The following PCDHA11 variants were observed in gnomAD, a reference collection of about 807,000 sequenced individuals.
PCDHA11 encodes protocadherin alpha-11.
In PCDHA11, 61 loss-of-function variants were observed where a neutral mutation model predicts 70.3. The ratio of observed to expected loss-of-function variants is 0.87; its 90% CI spans 0.71 to 1.07. PCDHA11 has a LOEUF of 1.07. Ranked by LOEUF, PCDHA11 falls within the 50% of genes least tolerant of loss-of-function variation. The pLI, the probability that PCDHA11 is intolerant of heterozygous loss-of-function variation, is 0.00. For synonymous variants in PCDHA11, 633 were observed against 555.1 expected (o/e 1.14, Z -1.97); for missense variants, 1,324 against 1,237.5 (o/e 1.07, Z -1.05).
chr5:140,959,116 G>A (rs2095468018), intron 1 of PCDHA11, among the ~76,000 whole-genome samples: 1 of 152,002 alleles, frequency 6.6e-6, no homozygotes, highest in South Asian at 2.1e-4. Context: ...TCCGAAGGTG[G>A]GCGAGGTGAG....
intron 1 of PCDHA11, chr5:140,884,714 C>A: frequency 1.4e-6 from 2 of 1,471,312 alleles, no homozygotes; most frequent in Non-Finnish European, 9.0e-7. Context: ...GCCTTCCTTG[C>A]AGTTGTTTGT....
intron 1 of PCDHA11, among the ~76,000 whole-genome samples, chr5:140,905,695 C>T (rs1350689939): frequency 6.6e-6 from 1 of 152,134 alleles, no homozygotes; most frequent in African/African-American, 2.4e-5. Context: ...TTGTTTGTGT[C>T]ATTTATGATT....
intron 1 of PCDHA11, among the ~76,000 whole-genome samples, chr5:140,944,059 T>C (rs190208662): frequency 6.6e-6 from 1 of 152,296 alleles, no homozygotes; most frequent in East Asian, 1.9e-4. Flanking sequence ...TACAAAAAGG[T>C]TTCTTGTTAA....
At chr5:140,888,645 C>A (rs1275572541) in intron 1 of PCDHA11, among the ~76,000 whole-genome samples, 2 of 152,200 alleles carry the variant, frequency 1.3e-5, no homozygotes, top group African/African-American at 4.8e-5. Context: ...GCAATACTTT[C>A]CTGAGGACAC....
At chr5:140,959,754 T>C (rs1265254392) in intron 1 of PCDHA11, among the ~76,000 whole-genome samples, 1 of 152,222 alleles carries the variant, frequency 6.6e-6, no homozygotes, top group East Asian at 1.9e-4. Flanking sequence ...TAAAGTATAT[T>C]TTAATATTCA....
chr5:140,944,608 G>A (rs2093673405), intron 1 of PCDHA11, among the ~76,000 whole-genome samples: 1 of 152,176 alleles, frequency 6.6e-6, no homozygotes, highest in Non-Finnish European at 1.5e-5. Flanking sequence ...AGAGTAGTGT[G>A]CTGTAGAAGT....
At chr5:140,882,365 T>C (rs141224516) in intron 1 of PCDHA11, 1 of 1,614,208 alleles carries the variant, frequency 6.2e-7, no homozygotes, top group Non-Finnish European at 8.5e-7. Context: ...CCAGCTCCAC[T>C]ACTCCGTCCC....
At chr5:140,898,233 C>T (rs2066607638) in intron 1 of PCDHA11, among the ~76,000 whole-genome samples, 1 of 152,126 alleles carries the variant, frequency 6.6e-6, no homozygotes, top group African/African-American at 2.4e-5. Flanking sequence ...GTTGCCATTG[C>T]TTTTGGTGTT....
At chr5:140,971,586 C>G (rs1290834481) in intron 1 of PCDHA11, among the ~76,000 whole-genome samples, 1 of 152,022 alleles carries the variant, frequency 6.6e-6, no homozygotes, top group Non-Finnish European at 1.5e-5. Context: ...TTTTTCCTAC[C>G]TAGTTACTAC....
chr5:140,917,106 TC>T (rs1554197830), intron 1 of PCDHA11, among the ~76,000 whole-genome samples: 1 of 152,094 alleles, frequency 6.6e-6, no homozygotes, highest in African/African-American at 2.4e-5. Context: ...GTGCTTTACT[TC>T]CTCCAAGTGC....
At chr5:140,955,477 C>T (rs1401684156) in intron 1 of PCDHA11, among the ~76,000 whole-genome samples, 2 of 152,128 alleles carry the variant, frequency 1.3e-5, no homozygotes, top group African/African-American at 4.8e-5. Context: ...CTTGGCACCT[C>T]TCCTTCCTGC....
rs782133089 is a variant in PCDHA11, at chr5:140,924,894, C to CA, written c.2391+53411dup. Among the ~76,000 whole-genome samples, 369 of 71,492 alleles carry CA rather than the reference C, an allele frequency of 5.2e-3. 5 individuals carry two copies. The South Asian group carries it at 0.07, about 14-fold the overall frequency. 46.9% of individuals were successfully genotyped at this position (71,492 alleles called of 152,430 possible). ...TGGGTGACAGAGCAAGAACCTGTCT[C>CA]AAAAAAAAAAATAAAATAAAATAAA... is the stretch of plus-strand genomic sequence containing the variant. On this transcript the variant is annotated intron_variant, in intron 1 of 3. Coordinates refer to ENST00000398640, the MANE Select transcript of PCDHA11 (RefSeq NM_018902.5).
At chr5:140,979,169 A>T (rs2096837685) in intron 2 of PCDHA11, 162 bp downstream of exon 2, 1 of 966,312 alleles carries the variant, frequency 1.0e-6, no homozygotes, top group Admixed American at 6.2e-5. Context: ...TCCTTGAAAG[A>T]TCGCAAATGG....
rs1053041034 is a variant in PCDHA11 at position 141,011,123 on chromosome 5, T to G, written c.*1186T>G. ...CTCTCTCTTTTCTAAGAAACAATTA[T>G]GTGCACTTTGATACACAACCTTCTC... is the stretch of plus-strand genomic sequence containing the variant. On this transcript the variant is annotated 3_prime_UTR_variant, in exon 4 of 4. Coordinates refer to ENST00000398640, the MANE Select transcript of PCDHA11 (RefSeq NM_018902.5). 3 of 153,884 alleles carry G rather than the reference T, an allele frequency of 1.9e-5. No homozygotes were observed. The Admixed American group carries it at 2.0e-4, about 10-fold the overall frequency. The allele number at this position is 153,884 out of a possible 1,614,324, so 9.5% of individuals were successfully genotyped here.
At chr5:140,954,305 T>C (rs2153702260) in intron 1 of PCDHA11, among the ~76,000 whole-genome samples, 1 of 152,342 alleles carries the variant, frequency 6.6e-6, no homozygotes, top group South Asian at 2.1e-4. Context: ...TACCCAGTAA[T>C]GGGATTGCTG....
At position 140,869,033 on chromosome 5, in the gene PCDHA11, T is replaced by C. The variant is rs1161601594; in HGVS notation, c.-71T>C. 6.5e-7 allele frequency: 1 copy of C among 1,527,194 alleles called. No homozygotes were observed. The highest frequency in any genetic ancestry group is 2.3e-5 in the East Asian group (1 of 44,278). The allele number at this position is 1,527,194 out of a possible 1,614,324, so 94.6% of individuals were successfully genotyped here. A position where few individuals can be genotyped will look rare whatever the true frequency, so the allele number is the denominator to read the frequency against. On this transcript the variant is annotated 5_prime_UTR_variant, in exon 1 of 4. Transcript: ENST00000398640. ...ACTTCTTAAGAATTCAACGAGATTT[T>C]TAACCTGAAACTGAAGAATCTGGTA...
intron 3 of PCDHA11, among the ~76,000 whole-genome samples, chr5:141,007,395 C>CAAAAAAAA (rs35800918): frequency 4.0e-3 from 379 of 94,450 alleles, no homozygotes; most frequent in Non-Finnish European, 5.7e-3. Context: ...TACTAAAATA[C>CAAAAAAAA]AAAAAAAAAA....
rs2098414886 is a variant in PCDHA11, at chr5:141,009,848, A to T, written c.2761A>T (p.Thr921Ser). 7 of 1,614,012 alleles carry T rather than the reference A, an allele frequency of 4.3e-6. No homozygotes were observed. Among genetic ancestry groups the T allele is most frequent in the Non-Finnish European group, 5.1e-6 (6 of 1,180,014 alleles). ...DFITFGKKEE[T>S]KKKKKKKKGN... ...CATAACCTTCGGCAAAAAGGAGGAGACCAAGAAAAAGAAGAAAAAGAAGAA... is the reference window on the plus strand; with the variant it reads ...CATAACCTTCGGCAAAAAGGAGGAGTCCAAGAAAAAGAAGAAAAAGAAGAA... The change falls in exon 4 of 4, where the codon ACC becomes TCC. Residue 921 changes from threonine (T) to serine (S), a missense_variant. Thr to Ser is a moderately conservative substitution (Grantham distance 58). Transcript: ENST00000398640.
rs2098419648 is a variant in PCDHA11 at position 141,011,160 on chromosome 5, A to AT, written c.*1224dup. The AT allele has an allele frequency of 6.5e-6, 1 of 153,706 alleles. No homozygotes were observed. The highest frequency in any genetic ancestry group is 2.4e-5 in the African/African-American group (1 of 41,436). 9.5% of individuals were successfully genotyped at this position (153,706 alleles called of 1,614,324 possible). A position where few individuals can be genotyped will look rare whatever the true frequency, so the allele number is the denominator to read the frequency against. ...TACACAACCTTCTCTAACCAACTAT[A>AT]TATCAAGACCCAAAAATTGAAGAAA... On this transcript the variant is annotated 3_prime_UTR_variant, in exon 4 of 4. Coordinates refer to ENST00000398640, the MANE Select transcript of PCDHA11 (RefSeq NM_018902.5).
Sources: allele counts gnomAD v4.1 joint callset (sites outside exome capture counted in the v4.1 genomes callset), GRCh38; gene constraint gnomAD v4.1.1; transcripts MANE v1.5; gene names NCBI Gene and HGNC (gene_info 2026-07-23, HGNC 2026-07-21).